USP13: variants seen among roughly 807,000 people sequenced by gnomAD.
USP13 encodes ubiquitin specific peptidase 13, also known as ubiquitin carboxyl-terminal hydrolase 13.
In USP13, 68 loss-of-function variants were observed where a neutral mutation model predicts 107.8. That is an observed-to-expected ratio of 0.63 (90% confidence interval 0.52 to 0.77). USP13 has a LOEUF of 0.77. Among genes scored for constraint, USP13 ranks in the 30% least tolerant of loss-of-function variants. The pLI is 0.00. For missense variants in USP13, 945 were observed against 1,093.3 expected, an observed-to-expected ratio of 0.86 and a Z score of 1.91; for synonymous variants, 377 against 389.5, an observed-to-expected ratio of 0.97 and a Z score of 0.38.
chr3:179,740,851 C>G (rs1258233569), intron 11 of USP13, among the ~76,000 whole-genome samples: 1 of 151,722 alleles, frequency 6.6e-6, no homozygotes, highest in Non-Finnish European at 1.5e-5. Flanking sequence ...ACTGCAACCT[C>G]TGCCTCCTGG....
rs1158705570 is a variant in USP13, at chr3:179,750,304, GTATATATATATATATATGTGTGTA to G, written c.1710-1961_1710-1938del. ...TAATAATAAATATATATATGTGTGT[GTATATATATATATATATGTGTGTA>G]TATATATATATATATATGTATATAT... On this transcript the variant is annotated intron_variant, in intron 13 of 20. Transcript: ENST00000263966. Among the ~76,000 whole-genome samples the G allele has an allele frequency of 5.3e-3, 596 of 113,522 alleles. 6 individuals are homozygous for G. The highest frequency in any genetic ancestry group is 0.016 in the African/African-American group (559 of 34,654). 74.5% of individuals were successfully genotyped at this position (113,522 alleles called of 152,430 possible).
intron 15 of USP13, among the ~76,000 whole-genome samples, chr3:179,756,479 C>G (rs1471985346): frequency 6.6e-6 from 1 of 152,192 alleles, no homozygotes; most frequent in Non-Finnish European, 1.5e-5. Context: ...CGCAGTGGTG[C>G]ATGCCTGTAA....
At chr3:179,781,900 C>T (rs2108557999) in intron 20 of USP13, 77 bp downstream of exon 20, 1 of 1,258,344 alleles carries the variant, frequency 7.9e-7, no homozygotes, top group African/African-American at 1.5e-5. Context: ...CTCCTAGGTA[C>T]ATTGTATGTT....
At position 179,721,354 on chromosome 3, in the gene USP13, A is replaced by T. The variant is rs1400352009; in HGVS notation, c.901-48A>T. 1.9e-6 allele frequency: 3 copies of T among 1,582,678 alleles called. No individual in the cohort carries two copies. The highest frequency in any genetic ancestry group is 2.6e-6 in the Non-Finnish European group (3 of 1,160,964). ...AATAATTAACGGGACATGACCTTTG[A>T]ATGGGAATCACATTTAAAGTTGTTT... is the stretch of plus-strand genomic sequence containing the variant. On this transcript the variant is annotated intron_variant, in intron 7 of 20. Coordinates refer to ENST00000263966, the MANE Select transcript of USP13 (RefSeq NM_003940.3). This position sits in a 1 kb window ranked among gnomAD's most constrained non-coding sequence, Gnocchi z 4.3.
chr3:179,780,794 G>A (rs957502332), intron 19 of USP13, among the ~76,000 whole-genome samples: 1 of 152,158 alleles, frequency 6.6e-6, no homozygotes, highest in Non-Finnish European at 1.5e-5. Context: ...AGGGGTAAGA[G>A]AAAAACTCTG....
intron 5 of USP13, among the ~76,000 whole-genome samples, chr3:179,708,551 G>T (rs978568038): frequency 1.3e-5 from 2 of 152,104 alleles, no homozygotes; most frequent in African/African-American, 4.8e-5. Flanking sequence ...CCTGACCTCA[G>T]TTGATGTGCC....
intron 19 of USP13, among the ~76,000 whole-genome samples, chr3:179,769,874 C>T (rs887691513): frequency 6.6e-6 from 1 of 152,084 alleles, no homozygotes; most frequent in Non-Finnish European, 1.5e-5. Flanking sequence ...AGCCTTGGGC[C>T]TTCATTTGAT....
At chr3:179,772,464 C>G (rs904265511) in intron 19 of USP13, among the ~76,000 whole-genome samples, 7 of 152,170 alleles carry the variant, frequency 4.6e-5, no homozygotes. Context: ...AGGCAGGGAG[C>G]AGAGAGGCGT....
intron 6 of USP13, among the ~76,000 whole-genome samples, chr3:179,715,218 A>C (rs886919773): frequency 5.7e-5 from 8 of 140,706 alleles, no homozygotes; most frequent in African/African-American, 2.1e-4. Context: ...TTGAGACAGA[A>C]TCTCACTATG....
At chr3:179,690,338 TTG>T (rs751228295) in intron 3 of USP13, 37 bp downstream of exon 3, 21 of 1,582,380 alleles carry the variant, frequency 1.3e-5, no homozygotes, top group Admixed American at 1.7e-5. Flanking sequence ...GATTTTGTGT[TTG>T]TGTGTGTGTA....
rs750703166 is a variant in USP13, at chr3:179,719,963, G to C, written c.829G>C (p.Glu277Gln). 6 of 1,613,960 alleles carry C rather than the reference G, an allele frequency of 3.7e-6. No homozygotes were observed. In the South Asian group the frequency reaches 4.4e-5, roughly 12 times the overall value. ...GADVYSFQEEEPVLDPHLAKH... is the reference protein window; with the variant it reads ...GADVYSFQEEQPVLDPHLAKH... ...AGATGTTTATTCTTTTCAAGAAGAA[G>C]AACCTGTTTTGGATCCTCATTTGGC... The change falls in exon 7 of 21, where the codon GAA becomes CAA. Residue 277 changes from glutamate (E) to glutamine (Q), a missense_variant. Coordinates refer to ENST00000263966, the MANE Select transcript of USP13 (RefSeq NM_003940.3).
intron 4 of USP13, among the ~76,000 whole-genome samples, chr3:179,701,588 T>G (rs770846405): frequency 6.6e-6 from 1 of 152,256 alleles, no homozygotes; most frequent in Non-Finnish European, 1.5e-5. Context: ...AGTGCTCCAC[T>G]GCTGAAACAA....
chr3:179,666,074 A>G (rs1720579554), intron 1 of USP13, among the ~76,000 whole-genome samples: 1 of 152,086 alleles, frequency 6.6e-6, no homozygotes. Context: ...TGTATGTGAG[A>G]TAGTAAATTG....
chr3:179,727,270 A>T (rs1173918351), intron 8 of USP13, among the ~76,000 whole-genome samples: 1 of 138,336 alleles, frequency 7.2e-6, no homozygotes, highest in Non-Finnish European at 1.6e-5. Flanking sequence ...CAGATAAACA[A>T]GTGAACAAAA....
At chr3:179,691,372 CT>C (rs1490558253) in intron 3 of USP13, among the ~76,000 whole-genome samples, 1 of 151,918 alleles carries the variant, frequency 6.6e-6, no homozygotes, top group Non-Finnish European at 1.5e-5. Flanking sequence ...TTTTCTTTGT[CT>C]TTAATAATTG....
chr3:179,785,515 AG>A lies in USP13; in HGVS notation c.*1375del, dbSNP rs1715893478. 1 of 152,214 alleles carries A rather than the reference AG, an allele frequency of 6.6e-6. No individual in the cohort carries two copies. Among genetic ancestry groups the A allele is most frequent in the Non-Finnish European group, 1.5e-5 (1 of 68,036 alleles). The allele number at this position is 152,214 out of a possible 1,614,324, so 9.4% of individuals were successfully genotyped here. On this transcript the variant is annotated 3_prime_UTR_variant, in exon 21 of 21. Coordinates refer to ENST00000263966, the MANE Select transcript of USP13 (RefSeq NM_003940.3). ...CCTACTGGTCCGTACCAAATTCTAG[AG>A]TCTCTGGAGTTGCTATTTCAGAGTA...
In USP13 at chr3:179,785,002, T is replaced by C. The variant is rs1715876432; in HGVS notation, c.*861T>C. 1 of 152,230 alleles carries C rather than the reference T, an allele frequency of 6.6e-6. No individual in the cohort carries two copies. The highest frequency in any genetic ancestry group is 2.4e-5 in the African/African-American group (1 of 41,466). The allele number at this position is 152,230 out of a possible 1,614,324, so 9.4% of individuals were successfully genotyped here. A position where few individuals can be genotyped will look rare whatever the true frequency, so the allele number is the denominator to read the frequency against. ...CTTGGGTTTGGGACATTTGCTGGTG[T>C]AATGCTAGATGCCCACAGCAGCATA... On this transcript the variant is annotated 3_prime_UTR_variant, in exon 21 of 21. Transcript: ENST00000263966.
Position 179,754,821 on chromosome 3 carries a change from AGCC to A in USP13, c.1889_1891del (p.Ser630_Pro631delinsThr). On this transcript the variant is annotated inframe_deletion, in exon 15 of 21. Coordinates refer to ENST00000263966, the MANE Select transcript of USP13 (RefSeq NM_003940.3). ...AGGAGAGGAAGAACTTCCAGACATC[AGCC>A]CCCCCATAGTCATTCCTGATGACTC... 2 of 1,612,874 alleles carry A rather than the reference AGCC, an allele frequency of 1.2e-6. No individual in the cohort carries two copies. Among genetic ancestry groups the A allele is most frequent in the South Asian group, 2.2e-5 (2 of 90,668 alleles).
chr3:179,655,289 A>G (rs558019460), intron 1 of USP13, among the ~76,000 whole-genome samples: 2 of 152,254 alleles, frequency 1.3e-5, no homozygotes, highest in Admixed American at 6.5e-5. Context: ...CAGGTGTGGG[A>G]AAAAAGGCTG....
Sources: gnomAD v4.1 joint callset for allele counts (sites outside exome capture counted in the v4.1 genomes callset) on GRCh38, gnomAD v4.1.1 for gene constraint, Gnocchi (gnomAD v3.1) non-coding constraint, MANE v1.5 for transcripts, NCBI Gene and HGNC (gene_info 2026-07-23, HGNC 2026-07-21) for gene names.